Variants in LRP1B observed in about 807,000 individuals in gnomAD.
The protein encoded by LRP1B is low-density lipoprotein receptor-related protein 1B.
LRP1B carries 217 observed loss-of-function variants against 556.6 expected under a neutral mutation model. The ratio of observed to expected loss-of-function variants is 0.39; its 90% confidence interval spans 0.35 to 0.44. The LOEUF (loss-of-function observed/expected upper bound fraction) is 0.44, where lower values mean the gene tolerates loss of function less well. Ranked by LOEUF, LRP1B falls within the 20% of genes least tolerant of loss-of-function variation. The probability of loss-of-function intolerance (pLI) is 1.00; values close to 1 mark genes in which losing one functional copy is unlikely to be tolerated. For synonymous variants in LRP1B, 2,047 were observed against 1,865.8 expected (o/e 1.10, Z -2.50); for missense variants, 5,053 against 5,620.8 (o/e 0.90, Z 3.23).
chr2:141,658,254 T>C (rs1000155192), intron 2 of LRP1B, among the ~76,000 whole-genome samples: 1 of 152,168 alleles, frequency 6.6e-6, no homozygotes, highest in African/African-American at 2.4e-5. Context: ...ATAGAGACAA[T>C]AATAAACTGG....
intron 1 of LRP1B, among the ~76,000 whole-genome samples, chr2:141,871,698 T>C (rs1698592773): frequency 6.6e-6 from 1 of 151,920 alleles, no homozygotes; most frequent in African/African-American, 2.4e-5. Context: ...TATGCATATA[T>C]AAAGATAATA....
intron 1 of LRP1B, among the ~76,000 whole-genome samples, chr2:141,916,026 C>G (rs1368184693): frequency 6.6e-6 from 1 of 152,072 alleles, no homozygotes; most frequent in Non-Finnish European, 1.5e-5. Flanking sequence ...GGATACGTGG[C>G]AAGAACTTAA....
At chr2:140,796,921 A>G (rs1047760485) in intron 32 of LRP1B, among the ~76,000 whole-genome samples, 2 of 151,838 alleles carry the variant, frequency 1.3e-5, no homozygotes, top group African/African-American at 4.8e-5. Context: ...TTTTAAAATG[A>G]TATGTTATTT....
At chr2:140,797,342 T>C (rs1250365900) in intron 32 of LRP1B, among the ~76,000 whole-genome samples, 1 of 152,092 alleles carries the variant, frequency 6.6e-6, no homozygotes, top group Non-Finnish European at 1.5e-5. Flanking sequence ...CACGCTTTAA[T>C]TTTAGAATAT....
intron 41 of LRP1B, among the ~76,000 whole-genome samples, chr2:140,642,502 T>C (rs554969507): frequency 2.0e-4 from 31 of 152,234 alleles, no homozygotes; most frequent in African/African-American, 6.7e-4. Flanking sequence ...CAGCACCTAC[T>C]GAGATGAAAG....
chr2:141,221,288 TAAA>T (rs3063857), intron 6 of LRP1B, among the ~76,000 whole-genome samples: 45,521 of 131,014 alleles, frequency 0.35, 7,365 homozygotes, highest in East Asian at 0.62. Context: ...CCAACAAAGA[TAAA>T]AAAAAAAAAA....
intron 20 of LRP1B, among the ~76,000 whole-genome samples, chr2:140,944,718 A>T (rs1448830489): frequency 1.3e-5 from 2 of 152,140 alleles, no homozygotes; most frequent in East Asian, 3.9e-4. Context: ...ACATCCTTTC[A>T]TGATAAAACC....
chr2:140,799,509 C>G (rs928155783), intron 32 of LRP1B, among the ~76,000 whole-genome samples: 12 of 152,174 alleles, frequency 7.9e-5, no homozygotes, highest in African/African-American at 2.4e-4. Context: ...GTTAAGGCAG[C>G]CCAAGCTGTC....
intron 1 of LRP1B, among the ~76,000 whole-genome samples, chr2:141,878,956 T>C (rs973463558): frequency 7.9e-5 from 12 of 151,932 alleles, no homozygotes; most frequent in African/African-American, 2.9e-4. Flanking sequence ...ACCATCACCA[T>C]TTATAAACCT....
At chr2:140,444,244 A>G (rs893489537) in intron 65 of LRP1B, 86 bp downstream of exon 65, 3 of 1,396,346 alleles carry the variant, frequency 2.1e-6, no homozygotes, top group African/African-American at 1.4e-5. Flanking sequence ...TCTACATCAT[A>G]TGAATTTATG....
At chr2:141,677,593 G>A (rs897626657) in intron 2 of LRP1B, among the ~76,000 whole-genome samples, 4 of 152,018 alleles carry the variant, frequency 2.6e-5, no homozygotes, top group East Asian at 1.9e-4. Flanking sequence ...GGGTTCAAGC[G>A]ATTCTCCTGC....
At chr2:141,744,491 A>C (rs1693839514) in intron 2 of LRP1B, among the ~76,000 whole-genome samples, 1 of 152,160 alleles carries the variant, frequency 6.6e-6, no homozygotes, top group Non-Finnish European at 1.5e-5. Context: ...GTAAATATCT[A>C]TTAGGTCCAT....
chr2:140,285,693 T>C (rs573305785), intron 84 of LRP1B, among the ~76,000 whole-genome samples: 93 of 151,946 alleles, frequency 6.1e-4, no homozygotes, highest in African/African-American at 2.2e-3. Flanking sequence ...ACATTGTTAA[T>C]AGCATTTAAC....
chr2:141,577,916 C>T (rs1427935319), intron 2 of LRP1B, among the ~76,000 whole-genome samples: 1 of 152,122 alleles, frequency 6.6e-6, no homozygotes, highest in Non-Finnish European at 1.5e-5. Context: ...CTTCTTACAC[C>T]TCAGCCTTAG....
intron 41 of LRP1B, among the ~76,000 whole-genome samples, chr2:140,678,566 C>A (rs1311801483): frequency 6.6e-6 from 1 of 152,040 alleles, no homozygotes; most frequent in Non-Finnish European, 1.5e-5. Context: ...AACTTAATAC[C>A]AATTCAACCT....
chr2:141,633,110 T>C (rs1688973838), intron 2 of LRP1B, among the ~76,000 whole-genome samples: 1 of 152,142 alleles, frequency 6.6e-6, no homozygotes, highest in Non-Finnish European at 1.5e-5. Context: ...CCTTCTTTGA[T>C]ATTGCCTTTG....
chr2:140,573,638 T>A (rs565891107), intron 43 of LRP1B, among the ~76,000 whole-genome samples: 1 of 152,144 alleles, frequency 6.6e-6, no homozygotes, highest in East Asian at 1.9e-4. Context: ...AGGTAGAGAA[T>A]AAGAGGACAG....
chr2:140,553,212 A>T (rs1680609200), intron 43 of LRP1B, among the ~76,000 whole-genome samples: 1 of 152,030 alleles, frequency 6.6e-6, no homozygotes, highest in African/African-American at 2.4e-5. Context: ...AAATGTGGTA[A>T]ATTGGTAATG....
chr2:140,721,890 AT>A (rs1687417401), intron 35 of LRP1B, among the ~76,000 whole-genome samples: 1 of 151,760 alleles, frequency 6.6e-6, no homozygotes, highest in Non-Finnish European at 1.5e-5. Context: ...TATAATGTAT[AT>A]ATATTTAAGT....
Sources: gnomAD v4.1 joint callset for allele counts (sites outside exome capture counted in the v4.1 genomes callset) on GRCh38, gnomAD v4.1.1 for gene constraint, MANE v1.5 for transcripts, NCBI Gene and HGNC (gene_info 2026-07-23, HGNC 2026-07-21) for gene names.